Variants in AHDC1 observed in about 807,000 individuals in gnomAD.
The protein encoded by AHDC1 is transcription factor Gibbin.
AHDC1 carries 7 observed loss-of-function variants against 87.9 expected under a neutral mutation model. The ratio of observed to expected loss-of-function variants is 0.08; its 90% confidence interval spans 0.05 to 0.15. The LOEUF is 0.15. Ranked by LOEUF, AHDC1 falls within the 10% of genes least tolerant of loss-of-function variation. The pLI is 1.00. For missense variants in AHDC1, 1,841 were observed against 2,253.2 expected, an observed-to-expected ratio of 0.82 and a Z score of 3.70; for synonymous variants, 1,051 against 1,006.8, an observed-to-expected ratio of 1.04 and a Z score of -0.83.
rs1333901277 is a variant in AHDC1, at chr1:27,551,028, A to G, written c.1088T>C (p.Leu363Ser). The G allele has an allele frequency of 1.9e-6, 3 of 1,559,990 alleles. No individual in the cohort carries two copies. The highest frequency in any genetic ancestry group is 1.9e-5 in the Admixed American group (1 of 52,654). ...GTGCGGTGAGCACAAGTCCAGGCGC[A>G]AGGGCTCGGCCAGTGGGCAGTGCCC... is the stretch of plus-strand genomic sequence containing the variant. Reference protein sequence around the residue: ...PLGHCPLAEPLRLDLCSPHGP... With the variant: ...PLGHCPLAEPSRLDLCSPHGP... The change falls in exon 8 of 9, where the codon TTG (leucine) becomes TCG (serine). Residue 363 changes from leucine to serine, a missense_variant. By Grantham distance (145) the Leu-to-Ser change is moderately radical. This residue lies in a region of AHDC1 where 370 missense variants were observed against 391.5 expected (regional missense o/e 0.95). Coordinates refer to ENST00000673934, the MANE Select transcript of AHDC1 (RefSeq NM_001371928.1).
chr1:27,561,898 G>A lies in AHDC1; in HGVS notation c.-628-3015C>T, dbSNP rs184571863. ...CTCATGGAAGAAGGGAGATGGAGAG[G>A]AAGGTAGAGAGAGGCGGGTGAGACC... On this transcript the variant is annotated intron_variant, in intron 3 of 8. Transcript: ENST00000673934. This position sits in a 1 kb window ranked among gnomAD's most constrained non-coding sequence, Gnocchi z 4.2. Among the ~76,000 whole-genome samples the A allele has an allele frequency of 1.6e-3, 236 of 152,236 alleles. 2 individuals are homozygous for A. The highest frequency in any genetic ancestry group is 5.0e-3 in the Admixed American group (76 of 15,296).
At position 27,565,397 on chromosome 1, in the gene AHDC1, CGA is replaced by C. The variant is rs988623207; in HGVS notation, c.-628-6516_-628-6515del. 3.3e-5 allele frequency among the ~76,000 whole-genome samples: 5 copies of C among 152,106 alleles called. No individual in the cohort carries two copies. Among genetic ancestry groups the C allele is most frequent in the African/African-American group, 1.2e-4 (5 of 41,422 alleles). On this transcript the variant is annotated intron_variant, in intron 3 of 8. Coordinates refer to ENST00000673934, the MANE Select transcript of AHDC1 (RefSeq NM_001371928.1). The surrounding 1 kb of genome is among the most constrained non-coding windows in gnomAD (Gnocchi z 4.6). ...TCCAAGCTCATTCCATGAAGAGGGGCGAGAGAGGAAGGACAGAGGCCACTGCC... is the reference window on the plus strand; with the variant it reads ...TCCAAGCTCATTCCATGAAGAGGGGCGAGAGGAAGGACAGAGGCCACTGCC...
At position 27,548,261 on chromosome 1, in the gene AHDC1, C is replaced by T; in HGVS notation, c.3855G>A (p.Glu1285=). ...RGGGACSAKK[E]RGGAAAKAKF... ...TGGCTTTGGCCGCTGCGCCACCCCG[C>T]TCCTTCTTGGCTGAGCAGGCCCCAC... Residue 1285 remains glutamate, a synonymous_variant, in exon 8 of 9, where the codon GAG becomes GAA. Transcript: ENST00000673934. 1 of 1,611,508 alleles carries T rather than the reference C, an allele frequency of 6.2e-7. No individual in the cohort carries two copies. Among genetic ancestry groups the T allele is most frequent in the Non-Finnish European group, 8.5e-7 (1 of 1,178,886 alleles).
rs369141457 is a variant in AHDC1, at chr1:27,550,096, C to T, written c.2020G>A (p.Gly674Ser). 41 of 1,610,230 alleles carry T rather than the reference C, an allele frequency of 2.5e-5. No individual in the cohort carries two copies. In the African/African-American group the frequency reaches 2.9e-4, roughly 12 times the overall value. The change falls in exon 8 of 9, where the codon GGT becomes AGT. Residue 674 changes from glycine to serine, a missense_variant. Physicochemically the swap from Gly to Ser is moderately conservative, Grantham distance 56. Transcript: ENST00000673934. ...TGGCCCCCACCCCGGCCACCAAAAC[C>T]GCCTGCTTTGCCCCCACGCCGCCGG... ...GFRRRGGKAGGFGGRGGGHAA... is the reference protein window; with the variant it reads ...GFRRRGGKAGSFGGRGGGHAA...
intron 3 of AHDC1, among the ~76,000 whole-genome samples, chr1:27,597,076 T>C (rs1199973207): frequency 3.3e-5 from 5 of 152,158 alleles, no homozygotes; most frequent in Non-Finnish European, 7.4e-5. Flanking sequence ...CCTGAAGCTT[T>C]CCAGAAGGGC....
rs975512999 is a variant in AHDC1, at chr1:27,565,019, TG to T, written c.-628-6137del. The stretch of plus-strand genomic sequence containing the variant: ...CTCAGAGCAGAGTCCCCCTAGCCCC[TG>T]GGGGTGGCTGGAGCTGGGGGGCCCT... On this transcript the variant is annotated intron_variant, in intron 3 of 8. Coordinates refer to ENST00000673934, the MANE Select transcript of AHDC1 (RefSeq NM_001371928.1). This position sits in a 1 kb window ranked among gnomAD's most constrained non-coding sequence, Gnocchi z 4.6. Among the ~76,000 whole-genome samples the T allele has an allele frequency of 6.6e-6, 1 of 152,112 alleles. No individual in the cohort carries two copies. The highest frequency in any genetic ancestry group is 2.4e-5 in the African/African-American group (1 of 41,438).
rs914912058 is a variant in AHDC1 at position 27,563,859 on chromosome 1, A to C, written c.-628-4976T>G. On this transcript the variant is annotated intron_variant, in intron 3 of 8. Transcript: ENST00000673934. The surrounding 1 kb of genome is among the most constrained non-coding windows in gnomAD (Gnocchi z 6.1). ...GGAAATGCCACCTCCCCCAGCCCTC[A>C]CTCCACTCCATTTCTTATTCACTGT... 2.6e-5 allele frequency among the ~76,000 whole-genome samples: 4 copies of C among 151,796 alleles called. No individual in the cohort carries two copies. Among genetic ancestry groups the C allele is most frequent in the Admixed American group, 2.6e-4 (4 of 15,252 alleles).
Position 27,558,730 on chromosome 1 carries a change from G to A in AHDC1, c.-475C>T, listed in dbSNP as rs2019936108. 2.5e-6 allele frequency: 1 copy of A among 398,650 alleles called. No individual in the cohort carries two copies. Among genetic ancestry groups the A allele is most frequent in the Admixed American group, 4.4e-5 (1 of 22,740 alleles). 24.7% of individuals were successfully genotyped at this position (398,650 alleles called of 1,614,324 possible). A position where few individuals can be genotyped will look rare whatever the true frequency, so the allele number is the denominator to read the frequency against. On this transcript the variant is annotated 5_prime_UTR_variant, in exon 4 of 9. Transcript: ENST00000673934. This position sits in a 1 kb window ranked among gnomAD's most constrained non-coding sequence, Gnocchi z 5.6. ...CCTGAGCAGGCTGCGAAGATAGGCT[G>A]GGCTCAGCAGGAAAGGCCTGTCTTC...
chr1:27,590,144 GC>G lies in AHDC1; in HGVS notation c.-629+13252del, dbSNP rs36126726. Among the ~76,000 whole-genome samples, 15,452 of 152,176 alleles carry G rather than the reference GC, an allele frequency of 0.1. 2,167 individuals are homozygous for G. The highest frequency in any genetic ancestry group is 0.32 in the African/African-American group (13,100 of 41,478). The stretch of plus-strand genomic sequence containing the variant: ...CCTGGAGGGGAGGGATGAGCTGCAG[GC>G]CCCGGCCGGGATTTTCCATCTCTCA... On this transcript the variant is annotated intron_variant, in intron 3 of 8. Coordinates refer to ENST00000673934, the MANE Select transcript of AHDC1 (RefSeq NM_001371928.1). This position sits in a 1 kb window ranked among gnomAD's most constrained non-coding sequence, Gnocchi z 5.4.
intron 3 of AHDC1, among the ~76,000 whole-genome samples, chr1:27,589,778 TA>T (rs1453609011): frequency 1.3e-5 from 2 of 152,170 alleles, no homozygotes; most frequent in Non-Finnish European, 2.9e-5. Context: ...ACACGTGGAA[TA>T]AAATCACGCT....
rs565666869 is a variant in AHDC1 at position 27,549,364 on chromosome 1, G to A, written c.2752C>T (p.Arg918Cys). Residue 918 changes from arginine to cysteine, a missense_variant, in exon 8 of 9, where the codon CGC becomes TGC. Arg to Cys is a radical substitution (Grantham distance 180). This residue lies in a region of AHDC1 where 378 missense variants were observed against 399.0 expected (regional missense o/e 0.95). Coordinates refer to ENST00000673934, the MANE Select transcript of AHDC1 (RefSeq NM_001371928.1). ...GCTCGTCCTGGTGGGAAGGTCTGGC[G>A]CGCGGACAGGACAGGCTGAAAGGAG... ...DPSFQPVLSA[R>C]QTFPPGRAAS... is the part of the protein sequence containing the mutation. 1.7e-5 allele frequency: 27 copies of A among 1,612,986 alleles called. No individual in the cohort carries two copies. The highest frequency in any genetic ancestry group is 8.3e-5 in the Admixed American group (5 of 60,000).
At chr1:27,539,595 G>A (rs917133291) in intron 8 of AHDC1, among the ~76,000 whole-genome samples, 2 of 151,860 alleles carry the variant, frequency 1.3e-5, no homozygotes, top group Admixed American at 6.6e-5. Flanking sequence ...ACAGGTGTGC[G>A]CCACCATGCC....
At chr1:27,535,325 G>C (rs1454062855) in intron 8 of AHDC1, among the ~76,000 whole-genome samples, 2 of 152,168 alleles carry the variant, frequency 1.3e-5, no homozygotes, top group Non-Finnish European at 2.9e-5. Context: ...GAAGATAACT[G>C]AACTACCCCA....
At chr1:27,571,385 G>C (rs551787439) in intron 3 of AHDC1, among the ~76,000 whole-genome samples, 1 of 152,292 alleles carries the variant, frequency 6.6e-6, no homozygotes, top group South Asian at 2.1e-4. Context: ...ACAGAGGCAG[G>C]CTGGGACAAA....
intron 3 of AHDC1, among the ~76,000 whole-genome samples, chr1:27,596,678 C>T (rs970228898): frequency 6.6e-6 from 1 of 152,116 alleles, no homozygotes; most frequent in African/African-American, 2.4e-5. Flanking sequence ...CACATGCATG[C>T]CTGCCACTGC....
intron 5 of AHDC1, 175 bp from the exon 6 acceptor site, chr1:27,553,360 C>CAT (rs1157360528): frequency 6.6e-6 from 1 of 152,214 alleles, no homozygotes; most frequent in Non-Finnish European, 1.5e-5. Context: ...ATAAAAGTAA[C>CAT]ATCATTCATT....
intron 8 of AHDC1, among the ~76,000 whole-genome samples, chr1:27,536,402 G>A (rs1263981459): frequency 1.3e-5 from 2 of 152,218 alleles, no homozygotes; most frequent in African/African-American, 2.4e-5. Flanking sequence ...TAAGCTGTCA[G>A]GTTGCCTGCA....
chr1:27,550,022 G>T lies in AHDC1; in HGVS notation c.2094C>A (p.Ile698=). 1 of 1,598,562 alleles carries T rather than the reference G, an allele frequency of 6.3e-7. No homozygotes were observed. The highest frequency in any genetic ancestry group is 8.5e-7 in the Non-Finnish European group (1 of 1,169,936). ...RCSFSDFFEG[I]GKKKKVVAVA... ...CGGCCACCACCTTCTTTTTCTTGCC[G>T]ATGCCCTCAAAGAAGTCACTGAAGG... The change falls in exon 8 of 9, where the codon ATC becomes ATA. Residue 698 remains isoleucine (I), a synonymous_variant. Transcript: ENST00000673934.
intron 3 of AHDC1, among the ~76,000 whole-genome samples, chr1:27,574,501 C>T (rs60959325): frequency 0.056 from 8,517 of 152,194 alleles, 771 homozygotes; most frequent in African/African-American, 0.19. Context: ...AAGGGAAACT[C>T]AGGAGTAAAA....
Sources: gnomAD v4.1 joint callset for allele counts (sites outside exome capture counted in the v4.1 genomes callset) on GRCh38, gnomAD v4.1.1 for gene constraint, gnomAD v4.1.1 regional missense constraint, Gnocchi (gnomAD v3.1) non-coding constraint, MANE v1.5 for transcripts, NCBI Gene and HGNC (gene_info 2026-07-23, HGNC 2026-07-21) for gene names.